The following POLR1G variants were observed in gnomAD, a reference collection of about 807,000 sequenced individuals.
The protein encoded by POLR1G is DNA-directed RNA polymerase I subunit RPA34.
A neutral mutation model predicts 6.3 loss-of-function variants in POLR1G; 9 were observed. The observed-to-expected ratio is 1.44, with a 90% CI of 0.87 to 2.51. The LOEUF is 2.51. Among genes scored for constraint, POLR1G ranks in the 30% most tolerant of loss-of-function variants. The probability of loss-of-function intolerance (pLI) is 0.00; values close to 1 mark genes in which losing one functional copy is unlikely to be tolerated. For synonymous variants in POLR1G, 248 were observed against 256.5 expected (o/e 0.97, Z 0.32); for missense variants, 617 against 632.5 (o/e 0.98, Z 0.26).
rs1555785082 is a variant in POLR1G, at chr19:45,409,505, G to A, written c.*4G>A. On this transcript the variant is annotated 3_prime_UTR_variant, in exon 3 of 3. Transcript: ENST00000309424. ...GCAGCAGCAGCAGCCTGTGTAGTCTGCCCCCGGGAAACTGAGGAACTAAAG... is the reference window on the plus strand; with the variant it reads ...GCAGCAGCAGCAGCCTGTGTAGTCTACCCCCGGGAAACTGAGGAACTAAAG... 1 of 1,601,038 alleles carries A rather than the reference G, an allele frequency of 6.2e-7. No homozygotes were observed. Among genetic ancestry groups the A allele is most frequent in the South Asian group, 1.1e-5 (1 of 89,700 alleles).
Position 45,409,893 on chromosome 19 carries a change from T to A in POLR1G, c.*392T>A, listed in dbSNP as rs866904773. 5.1e-6 allele frequency: 1 copy of A among 194,334 alleles called. No individual in the cohort carries two copies. Among genetic ancestry groups the A allele is most frequent in the Non-Finnish European group, 8.5e-6 (1 of 117,930 alleles). The allele number at this position is 194,334 out of a possible 1,614,324, so 12.0% of individuals were successfully genotyped here. The stretch of plus-strand genomic sequence containing the variant: ...TCTTTTTAAGTTATTATTATTATTA[T>A]TATTTTTTTTTTTTTTGAGATGGAG... On this transcript the variant is annotated 3_prime_UTR_variant, in exon 3 of 3. Transcript: ENST00000309424.
At position 45,410,006 on chromosome 19, in the gene POLR1G, C is replaced by T. The variant is rs1973612718; in HGVS notation, c.*505C>T. The stretch of plus-strand genomic sequence containing the variant: ...TCCCGGGTTCACGCCATTCTCCTGC[C>T]TCAGCCTCCTGAGTAGCTGGGACTA... On this transcript the variant is annotated 3_prime_UTR_variant, in exon 3 of 3. Coordinates refer to ENST00000309424, the MANE Select transcript of POLR1G (RefSeq NM_012099.3). 6.0e-6 allele frequency: 1 copy of T among 167,610 alleles called. No homozygotes were observed. The highest frequency in any genetic ancestry group is 1.9e-4 in the South Asian group (1 of 5,170). 10.4% of individuals were successfully genotyped at this position (167,610 alleles called of 1,614,324 possible).
rs540662190 is a variant in POLR1G, at chr19:45,409,992, C to T, written c.*491C>T. ...CTGCAAGCTCCGCCTCCCGGGTTCA[C>T]GCCATTCTCCTGCCTCAGCCTCCTG... On this transcript the variant is annotated 3_prime_UTR_variant, in exon 3 of 3. Coordinates refer to ENST00000309424, the MANE Select transcript of POLR1G (RefSeq NM_012099.3). 1,970 of 167,734 alleles carry T rather than the reference C, an allele frequency of 0.012. 20 individuals are homozygous for T. The highest frequency in any genetic ancestry group is 0.017 in the Non-Finnish European group (1,394 of 81,972). 10.4% of individuals were successfully genotyped at this position (167,734 alleles called of 1,614,324 possible).
intron 2 of POLR1G, chr19:45,407,525 T>C (rs1336915229): frequency 5.3e-6 from 2 of 378,852 alleles, no homozygotes; most frequent in Non-Finnish European, 9.4e-6. Flanking sequence ...TCCACGACCA[T>C]TAATCCTGCA....
rs957674935 is a variant in POLR1G at position 45,406,883 on chromosome 19, G to GT, written c.22+166dup. The stretch of plus-strand genomic sequence containing the variant: ...ATTCGAACGGAGAGAGGGTTATCTT[G>GT]TGGGGGGCTACCCGTGGAGAGCAAG... On this transcript the variant is annotated intron_variant, in intron 1 of 2. Coordinates refer to ENST00000309424, the MANE Select transcript of POLR1G (RefSeq NM_012099.3). The surrounding 1 kb of genome is among the most constrained non-coding windows in gnomAD (Gnocchi z 4.2). 2 of 962,004 alleles carry GT rather than the reference G, an allele frequency of 2.1e-6. No homozygotes were observed. Among genetic ancestry groups the GT allele is most frequent in the Non-Finnish European group, 3.0e-6 (2 of 670,528 alleles). The allele number at this position is 962,004 out of a possible 1,614,324, so 59.6% of individuals were successfully genotyped here.
rs2123437580 is a variant in POLR1G at position 45,409,564 on chromosome 19, G to A, written c.*63G>A. The A allele has an allele frequency of 6.4e-7, 1 of 1,573,424 alleles. No homozygotes were observed. The highest frequency in any genetic ancestry group is 8.6e-7 in the Non-Finnish European group (1 of 1,159,546). On this transcript the variant is annotated 3_prime_UTR_variant, in exon 3 of 3. Transcript: ENST00000309424. ...AGGTGCCCACCTGGGCCACCAGAAG[G>A]TGACACCCCCAGAATCCCTCCCCAG... is the stretch of plus-strand genomic sequence containing the variant.
rs887306207 is a variant in POLR1G, at chr19:45,410,337, C to A, written c.*836C>A. 1 of 152,040 alleles carries A rather than the reference C, an allele frequency of 6.6e-6. No individual in the cohort carries two copies. Among genetic ancestry groups the A allele is most frequent in the Non-Finnish European group, 1.5e-5 (1 of 68,074 alleles). 9.4% of individuals were successfully genotyped at this position (152,040 alleles called of 1,614,324 possible). On this transcript the variant is annotated 3_prime_UTR_variant, in exon 3 of 3. Coordinates refer to ENST00000309424, the MANE Select transcript of POLR1G (RefSeq NM_012099.3). ...TAGCTGGGCCTAAAGGTGCCCACCACTATACCCGGCTAATTTTTGTATTTT... is the reference window on the plus strand; with the variant it reads ...TAGCTGGGCCTAAAGGTGCCCACCAATATACCCGGCTAATTTTTGTATTTT...
chr19:45,407,399 G>A (rs910483488), intron 2 of POLR1G, 164 bp downstream of exon 2: 6 of 628,878 alleles, frequency 9.5e-6, no homozygotes, highest in African/African-American at 5.7e-5. Context: ...TCAGAAAGCA[G>A]GGGGAGAAAC....
chr19:45,406,837 A>G lies in POLR1G; in HGVS notation c.22+119A>G, dbSNP rs76915170. 363 of 1,096,250 alleles carry G rather than the reference A, an allele frequency of 3.3e-4. 1 individual carries two copies. In the East Asian group the frequency reaches 0.011, roughly 32 times the overall value. The allele number at this position is 1,096,250 out of a possible 1,614,324, so 67.9% of individuals were successfully genotyped here. A position where few individuals can be genotyped will look rare whatever the true frequency, so the allele number is the denominator to read the frequency against. ...CAAGCAGGACTTGCGAAGAGCGTGCATTCCCAGTGGGCGAACGGGAATTCG... is the reference window on the plus strand; with the variant it reads ...CAAGCAGGACTTGCGAAGAGCGTGCGTTCCCAGTGGGCGAACGGGAATTCG... On this transcript the variant is annotated intron_variant, in intron 1 of 2. Transcript: ENST00000309424. The surrounding 1 kb of genome is among the most constrained non-coding windows in gnomAD (Gnocchi z 4.2).
In POLR1G at chr19:45,408,237, G is replaced by A; in HGVS notation, c.269G>A (p.Gly90Glu). 6.2e-7 allele frequency: 1 copy of A among 1,614,146 alleles called. No individual in the cohort carries two copies. The highest frequency in any genetic ancestry group is 8.5e-7 in the Non-Finnish European group (1 of 1,180,024). Residue 90 changes from glycine (G) to glutamate (E), a missense_variant, in exon 3 of 3, where the codon GGA (glycine) becomes GAA (glutamate). Gly to Glu is a moderately conservative substitution (Grantham distance 98). Transcript: ENST00000309424. Reference protein sequence around the residue: ...YRVLSSCPQAGEATLLAPSTE... With the variant: ...YRVLSSCPQAEEATLLAPSTE... ...GTCCTCAGCAGCTGTCCCCAAGCTG[G>A]AGAAGCGACCCTGCTGGCCCCCTCA... is the stretch of plus-strand genomic sequence containing the variant.
chr19:45,407,044 T>C lies in POLR1G; in HGVS notation c.23-50T>C, dbSNP rs745431319. 1.1e-5 allele frequency: 17 copies of C among 1,558,318 alleles called. No homozygotes were observed. In the African/African-American group the frequency reaches 2.2e-4, roughly 20 times the overall value. ...GGACCGATAGGCGCGCCCTGCAAGA[T>C]TGGACCGGCAAGGAGGTGTCAGTCG... On this transcript the variant is annotated intron_variant, in intron 1 of 2. Transcript: ENST00000309424.
intron 2 of POLR1G, 161 bp from the exon 3 acceptor site, chr19:45,407,972 T>G: frequency 1.1e-6 from 1 of 935,950 alleles, no homozygotes; most frequent in Non-Finnish European, 1.5e-6. Context: ...GAGAATCGCT[T>G]GAACCCAGGA....
In POLR1G at chr19:45,409,543, G is replaced by T. The variant is rs778552962; in HGVS notation, c.*42G>T. 4 of 1,574,336 alleles carry T rather than the reference G, an allele frequency of 2.5e-6. No homozygotes were observed. Among genetic ancestry groups the T allele is most frequent in the South Asian group, 2.3e-5 (2 of 86,904 alleles). On this transcript the variant is annotated 3_prime_UTR_variant, in exon 3 of 3. Transcript: ENST00000309424. ...TGAGGAACTAAAGAAAGCTGAAGGT[G>T]CCCACCTGGGCCACCAGAAGGTGAC...
intron 2 of POLR1G, chr19:45,407,531 C>T: frequency 2.7e-6 from 1 of 371,728 alleles, no homozygotes; most frequent in Non-Finnish European, 4.8e-6. Flanking sequence ...ACCATTAATC[C>T]TGCAACCTAA....
rs1973628005 is a variant in POLR1G, at chr19:45,410,186, A to T, written c.*685A>T. Reference sequence around the variant, plus strand: ...AGGTGTGAGCCACTGCGCCTGGCTAAGTTATTATTATTTTTTTGAGACAGT... The same window carrying T: ...AGGTGTGAGCCACTGCGCCTGGCTATGTTATTATTATTTTTTTGAGACAGT... On this transcript the variant is annotated 3_prime_UTR_variant, in exon 3 of 3. Coordinates refer to ENST00000309424, the MANE Select transcript of POLR1G (RefSeq NM_012099.3). The T allele has an allele frequency of 6.7e-6, 1 of 149,176 alleles. No individual in the cohort carries two copies. The highest frequency in any genetic ancestry group is 2.1e-4 in the South Asian group (1 of 4,712). 9.2% of individuals were successfully genotyped at this position (149,176 alleles called of 1,614,324 possible).
chr19:45,409,152 C>T lies in POLR1G; in HGVS notation c.1184C>T (p.Ala395Val). 6.2e-7 allele frequency: 1 copy of T among 1,613,118 alleles called. No homozygotes were observed. Among genetic ancestry groups the T allele is most frequent in the East Asian group, 2.2e-5 (1 of 44,812 alleles). The change falls in exon 3 of 3, where the codon GCC (alanine) becomes GTC (valine). Residue 395 changes from alanine to valine, a missense_variant. Ala to Val is a moderately conservative substitution (Grantham distance 64). Transcript: ENST00000309424. ...ACGAAGAAAGAAAAACAGCAAGATG[C>T]CACAGTGGAGCCAGAGACAGAGGTG... is the stretch of plus-strand genomic sequence containing the variant. ...KKTKKEKQQD[A>V]TVEPETEVVG...
In POLR1G at chr19:45,406,678, C is replaced by G; in HGVS notation, c.-19C>G. The G allele has an allele frequency of 6.5e-7, 1 of 1,545,294 alleles. No individual in the cohort carries two copies. Among genetic ancestry groups the G allele is most frequent in the Non-Finnish European group, 8.7e-7 (1 of 1,144,966 alleles). ...CGAGCAGCCCGGGCTACAGGGTTGCCTGAGGTGTGGGTCCCAGGATGGAGG... is the reference window on the plus strand; with the variant it reads ...CGAGCAGCCCGGGCTACAGGGTTGCGTGAGGTGTGGGTCCCAGGATGGAGG... On this transcript the variant is annotated 5_prime_UTR_variant, in exon 1 of 3. Transcript: ENST00000309424. This position sits in a 1 kb window ranked among gnomAD's most constrained non-coding sequence, Gnocchi z 4.2.
chr19:45,407,291 T>C (rs1397724549), intron 2 of POLR1G, 56 bp downstream of exon 2: 18 of 1,537,382 alleles, frequency 1.2e-5, no homozygotes, highest in Non-Finnish European at 1.5e-5. Context: ...AAGAGCGGGT[T>C]CTTGAATTTG....
chr19:45,410,565 T>TGTGTGTGTGTG lies in POLR1G; in HGVS notation c.*1064_*1065insGTGTGTGTGTG, dbSNP rs1973661594. The TGTGTGTGTGTG allele has an allele frequency of 2.5e-3, 348 of 140,710 alleles. 1 individual carries two copies. The highest frequency in any genetic ancestry group is 8.5e-3 in the African/African-American group (309 of 36,568). 8.7% of individuals were successfully genotyped at this position (140,710 alleles called of 1,614,324 possible). ...ATAGTATGTCTTATTCATTCTTTCT[T>TGTGTGTGTGTG]TGTGTGTGTGTGTGTGTGTGTGTGT... is the stretch of plus-strand genomic sequence containing the variant. On this transcript the variant is annotated 3_prime_UTR_variant, in exon 3 of 3. Transcript: ENST00000309424.
Sources: allele counts gnomAD v4.1 joint callset, GRCh38; gene constraint gnomAD v4.1.1; non-coding constraint Gnocchi (gnomAD v3.1); transcripts MANE v1.5; gene names NCBI Gene and HGNC (gene_info 2026-07-23, HGNC 2026-07-21).